The following AOX1 variants were observed in gnomAD, a reference collection of about 807,000 sequenced individuals.
The protein encoded by AOX1 is aldehyde oxidase.
Under a neutral mutation model 169.5 loss-of-function variants are expected in AOX1, and 153 were observed. That is an observed-to-expected ratio of 0.90 (90% confidence interval 0.79 to 1.03). The LOEUF (loss-of-function observed/expected upper bound fraction) is 1.03. Ranked by LOEUF, AOX1 falls within the 50% of genes least tolerant of loss-of-function variation. The probability of loss-of-function intolerance (pLI) is 0.00; values close to 1 mark genes in which losing one functional copy is unlikely to be tolerated. For synonymous variants in AOX1, 562 were observed against 581.9 expected (o/e 0.97, Z 0.49); for missense variants, 1,656 against 1,663.9 (o/e 1.00, Z 0.08).
chr2:200,657,163 A>AAAAAAAAAAAAATAT (rs1208308825), intron 27 of AOX1, among the ~76,000 whole-genome samples: 1 of 85,236 alleles, frequency 1.2e-5, no homozygotes, highest in Non-Finnish European at 2.3e-5. Flanking sequence ...ATCTCTACCA[A>AAAAAAAAAAAAATAT]AAATATATAT....
chr2:200,597,375 G>T (rs1480174488), intron 3 of AOX1, 22 bp from the exon 4 acceptor site: 17 of 1,556,364 alleles, frequency 1.1e-5, no homozygotes, highest in Non-Finnish European at 1.4e-5. Flanking sequence ...TGTAATTTGT[G>T]CTTTTCTTTT....
chr2:200,601,206 G>A (rs1207936237), intron 5 of AOX1, among the ~76,000 whole-genome samples: 8 of 151,640 alleles, frequency 5.3e-5, no homozygotes, highest in Non-Finnish European at 1.0e-4. Context: ...AATAAGCCAG[G>A]CACAGAAGAA....
downstream of AOX1, among the ~76,000 whole-genome samples, chr2:200,676,363 GC>G (rs1198689534): frequency 3.3e-5 from 5 of 152,062 alleles, no homozygotes; most frequent in African/African-American, 9.7e-5. Flanking sequence ...ACTTTGGGAG[GC>G]CGAGGTGGGC....
At chr2:200,610,599 A>G (rs542032958) in intron 12 of AOX1, among the ~76,000 whole-genome samples, 2 of 152,350 alleles carry the variant, frequency 1.3e-5, no homozygotes, top group East Asian at 1.9e-4. Context: ...GTAAGATAAC[A>G]TCTCAGTAGT....
intron 18 of AOX1, among the ~76,000 whole-genome samples, chr2:200,623,242 T>C (rs1210714460): frequency 6.6e-6 from 1 of 152,226 alleles, no homozygotes; most frequent in Non-Finnish European, 1.5e-5. Flanking sequence ...AAATTTCTGC[T>C]GTGGTCCCTG....
At chr2:200,632,797 A>G (rs930941411) in intron 20 of AOX1, among the ~76,000 whole-genome samples, 4 of 152,118 alleles carry the variant, frequency 2.6e-5, no homozygotes, top group African/African-American at 9.7e-5. Flanking sequence ...CTGAGTTGAC[A>G]GGTATTTTCA....
At chr2:200,667,708 G>A (rs1007336202) in intron 32 of AOX1, among the ~76,000 whole-genome samples, 1 of 151,930 alleles carries the variant, frequency 6.6e-6, no homozygotes, top group Non-Finnish European at 1.5e-5. Flanking sequence ...GGAGGGGTGG[G>A]CCATGAGGAG....
At chr2:200,646,962 T>C (rs2035465656) in intron 25 of AOX1, among the ~76,000 whole-genome samples, 1 of 152,136 alleles carries the variant, frequency 6.6e-6, no homozygotes, top group Non-Finnish European at 1.5e-5. Flanking sequence ...AGTCCTTATG[T>C]GTTAGGTGAG....
intron 20 of AOX1, 99 bp downstream of exon 20, chr2:200,627,548 G>A: frequency 2.4e-6 from 2 of 817,898 alleles, no homozygotes; most frequent in Non-Finnish European, 4.0e-6. Flanking sequence ...AGCCTAGGGG[G>A]GTGTTGCTCC....
chr2:200,651,048 C>A lies in AOX1; in HGVS notation c.2922C>A (p.Ile974=), dbSNP rs911179866. 2 of 1,614,204 alleles carry A rather than the reference C, an allele frequency of 1.2e-6. No homozygotes were observed. The highest frequency in any genetic ancestry group is 8.5e-7 in the Non-Finnish European group (1 of 1,180,030). The part of the protein sequence containing the change: ...YKQEINAKNL[I]QCWRECMAMS... ...AAGAGATCAATGCCAAGAACCTAAT[C>A]CAGTGTTGGAGAGAATGTATGGCCA... Residue 974 remains isoleucine (I), a synonymous_variant, in exon 26 of 35, where the codon ATC becomes ATA. Coordinates refer to ENST00000374700, the MANE Select transcript of AOX1 (RefSeq NM_001159.4).
intron 22 of AOX1, 104 bp from the exon 23 acceptor site, chr2:200,638,111 G>A (rs1051465909): frequency 2.1e-6 from 2 of 930,524 alleles, no homozygotes; most frequent in Admixed American, 3.9e-5. Context: ...GTTGTTCTGT[G>A]AGGCGTGTAG....
At chr2:200,607,916 A>G (rs2034548773) in intron 10 of AOX1, among the ~76,000 whole-genome samples, 1 of 152,292 alleles carries the variant, frequency 6.6e-6, no homozygotes, top group Non-Finnish European at 1.5e-5. Context: ...GAGTTGAACA[A>G]TGAGAACACA....
At chr2:200,631,156 C>G (rs1053205874) in intron 20 of AOX1, among the ~76,000 whole-genome samples, 2 of 152,210 alleles carry the variant, frequency 1.3e-5, no homozygotes, top group African/African-American at 4.8e-5. Flanking sequence ...TATATTTCAA[C>G]TCTATCTAAT....
Position 200,623,960 on chromosome 2 carries a change from G to A in AOX1, c.2101G>A (p.Glu701Lys). 1 of 1,614,148 alleles carries A rather than the reference G, an allele frequency of 6.2e-7. No individual in the cohort carries two copies. Among genetic ancestry groups the A allele is most frequent in the Non-Finnish European group, 8.5e-7 (1 of 1,179,996 alleles). The change falls in exon 19 of 35, where the codon GAG becomes AAG. Residue 701 changes from glutamate to lysine, a missense_variant. Physicochemically the swap from Glu to Lys is moderately conservative, Grantham distance 56. Transcript: ENST00000374700. The part of the protein sequence containing the change: ...KRVKIVYQDL[E>K]PLILTIEESI... The stretch of plus-strand genomic sequence containing the variant: ...AGTGAAGATTGTCTATCAAGACTTG[G>A]AGCCGCTGATACTAACAATTGAGGT...
In AOX1 at chr2:200,613,025, T is replaced by TGA. The variant is rs200261175; in HGVS notation, c.1448+233_1448+234insAG. ...GTGCGTGTGTGTGTGTGTGTGTGTGTGTGAGAGAGAGAGAGAGAGACAGAC... is the reference window on the plus strand; with the variant it reads ...GTGCGTGTGTGTGTGTGTGTGTGTGTGAGTGAGAGAGAGAGAGAGAGACAGAC... On this transcript the variant is annotated intron_variant, in intron 14 of 34. Transcript: ENST00000374700. Among the ~76,000 whole-genome samples, 8 of 95,898 alleles carry TGA rather than the reference T, an allele frequency of 8.3e-5. No homozygotes were observed. The East Asian group carries it at 1.4e-3, about 17-fold the overall frequency. 62.9% of individuals were successfully genotyped at this position (95,898 alleles called of 152,430 possible). A position where few individuals can be genotyped will look rare whatever the true frequency, so the allele number is the denominator to read the frequency against.
Position 200,605,538 on chromosome 2 carries a change from C to T in AOX1, c.817C>T (p.Pro273Ser). The T allele has an allele frequency of 1.3e-6, 2 of 1,516,772 alleles. No individual in the cohort carries two copies. The highest frequency in any genetic ancestry group is 1.8e-6 in the Non-Finnish European group (2 of 1,129,224). 94.0% of individuals were successfully genotyped at this position (1,516,772 alleles called of 1,614,324 possible). The part of the protein sequence containing the change: ...PVIMGNTSVG[P>S]EVKFKGVFHP... The stretch of plus-strand genomic sequence containing the variant: ...TTTTTTTTTTTTTGATCCTTTAGGG[C>T]CTGAAGTGAAATTTAAAGGCGTCTT... Residue 273 changes from proline (P) to serine (S), a missense_variant and splice_region_variant, in exon 10 of 35, where the codon CCT becomes TCT. Transcript: ENST00000374700.
At chr2:200,676,433 C>T (rs2036098054), downstream of AOX1, among the ~76,000 whole-genome samples, 2 of 151,972 alleles carry the variant, frequency 1.3e-5, no homozygotes, top group Non-Finnish European at 2.9e-5. Flanking sequence ...AACCCCGTCT[C>T]TACTAAAAAT....
At chr2:200,637,613 G>A (rs2035262300) in intron 22 of AOX1, among the ~76,000 whole-genome samples, 1 of 151,798 alleles carries the variant, frequency 6.6e-6, no homozygotes, top group Admixed American at 6.6e-5. Flanking sequence ...ATGTATATAT[G>A]TGTATATATG....
At position 200,659,210 on chromosome 2, in the gene AOX1, C is replaced by T. The variant is rs775339736; in HGVS notation, c.3217C>T (p.Arg1073Cys). The T allele has an allele frequency of 5.6e-5, 90 of 1,613,558 alleles. No individual in the cohort carries two copies. The highest frequency in any genetic ancestry group is 7.0e-5 in the Non-Finnish European group (82 of 1,179,674). Residue 1073 changes from arginine to cysteine, a missense_variant, in exon 28 of 35, where the codon CGT becomes TGT. Coordinates refer to ENST00000374700, the MANE Select transcript of AOX1 (RefSeq NM_001159.4). Reference sequence around the variant, plus strand: ...AATGCCAATGTCGAATGTCCACCTGCGTGGAACAAGCACAGAAACTGTCCC... The same window carrying T: ...AATGCCAATGTCGAATGTCCACCTGTGTGGAACAAGCACAGAAACTGTCCC... Reference protein sequence around the residue: ...LRMPMSNVHLRGTSTETVPNA... With the variant: ...LRMPMSNVHLCGTSTETVPNA...
Sources: allele counts gnomAD v4.1 joint callset (sites outside exome capture counted in the v4.1 genomes callset), GRCh38; gene constraint gnomAD v4.1.1; transcripts MANE v1.5; gene names NCBI Gene and HGNC (gene_info 2026-07-23, HGNC 2026-07-21).